The following GRM5 variants were observed in gnomAD, a reference collection of about 807,000 sequenced individuals.
The protein encoded by GRM5 is glutamate metabotropic receptor 5.
In GRM5, 19 loss-of-function variants were observed where a neutral mutation model predicts 83.1. That is an observed-to-expected ratio of 0.23 (90% CI 0.16 to 0.34). The LOEUF is 0.34. Among genes scored for constraint, GRM5 ranks in the 10% least tolerant of loss-of-function variants. The probability of loss-of-function intolerance (pLI) is 1.00; values close to 1 mark genes in which losing one functional copy is unlikely to be tolerated. For synonymous variants in GRM5, 675 were observed against 633.6 expected, an observed-to-expected ratio of 1.07 and a Z score of -0.98; for missense variants, 1,160 against 1,588.3, an observed-to-expected ratio of 0.73 and a Z score of 4.58.
chr11:88,628,488 G>T (rs1224939115), intron 4 of GRM5, among the ~76,000 whole-genome samples: 2 of 152,174 alleles, frequency 1.3e-5, no homozygotes, highest in South Asian at 2.1e-4. Flanking sequence ...TGCTCTGATA[G>T]TCATGAACCC....
intron 3 of GRM5, among the ~76,000 whole-genome samples, chr11:88,729,063 G>C (rs1941745878): frequency 6.6e-6 from 1 of 152,148 alleles, no homozygotes; most frequent in Middle Eastern, 3.2e-3. Context: ...TATTCAAATA[G>C]GTAGAGAGGA....
intron 3 of GRM5, among the ~76,000 whole-genome samples, chr11:88,812,009 T>A (rs1469759028): frequency 6.6e-6 from 1 of 152,148 alleles, no homozygotes; most frequent in Non-Finnish European, 1.5e-5. Flanking sequence ...TTTGGGCCAC[T>A]TTGGTGATAT....
At chr11:88,538,996 A>G (rs946942855) in intron 8 of GRM5, among the ~76,000 whole-genome samples, 2 of 152,096 alleles carry the variant, frequency 1.3e-5, no homozygotes, top group African/African-American at 4.8e-5. Context: ...TTTTTTCCCC[A>G]TAATCTCCTT....
At chr11:88,649,675 A>G (rs1939580570) in intron 4 of GRM5, among the ~76,000 whole-genome samples, 2 of 151,392 alleles carry the variant, frequency 1.3e-5, no homozygotes, top group African/African-American at 4.8e-5. Context: ...AGCAAACAAA[A>G]GAAAACCTGC....
At chr11:88,743,637 G>T (rs761985305) in intron 3 of GRM5, among the ~76,000 whole-genome samples, 4 of 152,072 alleles carry the variant, frequency 2.6e-5, no homozygotes, top group Non-Finnish European at 5.9e-5. Context: ...TGAGAGATAT[G>T]ATTACAAAGC....
At chr11:88,952,278 C>T (rs1337759789) in intron 2 of GRM5, among the ~76,000 whole-genome samples, 2 of 152,174 alleles carry the variant, frequency 1.3e-5, no homozygotes, top group South Asian at 4.1e-4. Flanking sequence ...CTCACTGAAA[C>T]GTTTTTATGA....
chr11:88,748,446 G>T (rs577667596), intron 3 of GRM5, among the ~76,000 whole-genome samples: 1 of 152,274 alleles, frequency 6.6e-6, no homozygotes, highest in South Asian at 2.1e-4. Flanking sequence ...TTCCTGAGAT[G>T]GGTCTGAGTT....
At chr11:88,520,693 T>C (rs1941656399) in intron 9 of GRM5, among the ~76,000 whole-genome samples, 1 of 152,112 alleles carries the variant, frequency 6.6e-6, no homozygotes, top group Admixed American at 6.5e-5. Context: ...GCTTAATAAA[T>C]GAGCTTTACC....
At chr11:88,905,604 A>G (rs1301307652) in intron 2 of GRM5, among the ~76,000 whole-genome samples, 1 of 152,020 alleles carries the variant, frequency 6.6e-6, no homozygotes, top group East Asian at 1.9e-4. Flanking sequence ...GGCCTCCCAA[A>G]GTGTTGGGAT....
At chr11:88,657,418 C>T (rs1939790138) in intron 3 of GRM5, among the ~76,000 whole-genome samples, 1 of 152,114 alleles carries the variant, frequency 6.6e-6, no homozygotes, top group Admixed American at 6.6e-5. Flanking sequence ...ACTTACTTAG[C>T]TTGGCTTAAC....
Position 88,948,789 on chromosome 11 carries a change from T to C in GRM5, c.661+98423A>G, listed in dbSNP as rs576972719. 5.9e-5 allele frequency among the ~76,000 whole-genome samples: 9 copies of C among 152,256 alleles called. No homozygotes were observed. The South Asian group carries it at 1.2e-3, about 21-fold the overall frequency. Reference sequence around the variant, plus strand: ...GTTTCCAAAGAAATAAAGTTAATTATGAAAACAATTCAAAATGCACAATAA... The same window carrying C: ...GTTTCCAAAGAAATAAAGTTAATTACGAAAACAATTCAAAATGCACAATAA... On this transcript the variant is annotated intron_variant, in intron 2 of 9. Transcript: ENST00000305447.
intron 9 of GRM5, among the ~76,000 whole-genome samples, chr11:88,524,210 CTTTCTTTTTT>C (rs748392777): frequency 5.7e-4 from 54 of 95,454 alleles, no homozygotes; most frequent in South Asian, 2.9e-3. Context: ...TTCTTTCTTT[CTTTCTTTTTT>C]TTTTTTTTTT....
At chr11:88,782,184 GATA>G (rs542892927) in intron 3 of GRM5, among the ~76,000 whole-genome samples, 108 of 152,020 alleles carry the variant, frequency 7.1e-4, no homozygotes, top group Middle Eastern at 3.4e-3. Flanking sequence ...AAGTAGCAGT[GATA>G]ATAATAACAA....
At chr11:88,743,277 A>C (rs1371582774) in intron 3 of GRM5, among the ~76,000 whole-genome samples, 3 of 152,138 alleles carry the variant, frequency 2.0e-5, no homozygotes, top group African/African-American at 7.2e-5. Flanking sequence ...TATCTACTCA[A>C]GTTGCCACTA....
chr11:88,860,598 G>GA (rs1944544871), intron 2 of GRM5, among the ~76,000 whole-genome samples: 2 of 152,062 alleles, frequency 1.3e-5, no homozygotes, highest in Admixed American at 6.6e-5. Context: ...AGCTTTTGCT[G>GA]AAAAAAAGTC....
At chr11:88,994,813 A>C (rs1285274004) in intron 2 of GRM5, among the ~76,000 whole-genome samples, 1 of 151,964 alleles carries the variant, frequency 6.6e-6, no homozygotes, top group South Asian at 2.1e-4. Context: ...AGTTCTATTG[A>C]TATCTATAGA....
intron 2 of GRM5, among the ~76,000 whole-genome samples, chr11:88,987,465 G>T (rs12276468): frequency 0.081 from 12,263 of 151,720 alleles, 1,528 homozygotes; most frequent in African/African-American, 0.28. Context: ...GCTTGCTTAG[G>T]TAAACAAAGC....
At chr11:89,011,125 CAGTT>C (rs1449738420) in intron 2 of GRM5, among the ~76,000 whole-genome samples, 2 of 152,198 alleles carry the variant, frequency 1.3e-5, no homozygotes, top group African/African-American at 4.8e-5. Context: ...AACAAAACCT[CAGTT>C]AGCTGTAATT....
chr11:88,698,975 A>G (rs1940964978), intron 3 of GRM5, among the ~76,000 whole-genome samples: 1 of 152,204 alleles, frequency 6.6e-6, no homozygotes. Flanking sequence ...ATATGGTCTC[A>G]GATTATACAA....
Sources: allele counts gnomAD v4.1 joint callset (sites outside exome capture counted in the v4.1 genomes callset), GRCh38; gene constraint gnomAD v4.1.1; transcripts MANE v1.5; gene names NCBI Gene and HGNC (gene_info 2026-07-23, HGNC 2026-07-21).